Variants in ARHGEF17 observed in about 807,000 individuals in gnomAD.
ARHGEF17 encodes the protein Rho guanine nucleotide exchange factor 17.
ARHGEF17 carries 80 observed loss-of-function variants against 174.0 expected under a neutral mutation model. The observed-to-expected ratio is 0.46, with a 90% CI of 0.38 to 0.55. The LOEUF (loss-of-function observed/expected upper bound fraction) is 0.55. Ranked by LOEUF, ARHGEF17 falls within the 20% of genes least tolerant of loss-of-function variation. The pLI, the probability that ARHGEF17 is intolerant of heterozygous loss-of-function variation, is 0.00. For missense variants in ARHGEF17, 2,886 were observed against 2,839.7 expected, an observed-to-expected ratio of 1.02 and a Z score of -0.37; for synonymous variants, 1,311 against 1,189.1, an observed-to-expected ratio of 1.10 and a Z score of -2.11.
intron 7 of ARHGEF17, 78 bp downstream of exon 7, chr11:73,356,837 G>A: frequency 6.3e-7 from 1 of 1,596,086 alleles, no homozygotes. Flanking sequence ...CCCTCTACCT[G>A]CAGGTCTCCC....
chr11:73,360,233 G>T, intron 10 of ARHGEF17, 87 bp from the exon 11 acceptor site: 1 of 1,458,148 alleles, frequency 6.9e-7, no homozygotes, highest in Non-Finnish European at 9.5e-7. Flanking sequence ...TGCTGTCTAA[G>T]GAGAGAGGCA....
intron 1 of ARHGEF17, among the ~76,000 whole-genome samples, chr11:73,313,960 G>T (rs148086719): frequency 2.2e-4 from 34 of 152,342 alleles, no homozygotes; most frequent in Non-Finnish European, 4.4e-4. Context: ...ACCAGGCTTG[G>T]CTTGTGAACA....
chr11:73,308,877 C>T lies in ARHGEF17; in HGVS notation c.239C>T (p.Pro80Leu), dbSNP rs892596178. ...AQPRPLRSLS[P>L]SVRQLSRRFD... ...CCGCGCCCGCTCCGCAGCCTCTCGC[C>T]GTCGGTTCGCCAGCTCTCCCGGCGC... is the stretch of plus-strand genomic sequence containing the variant. Residue 80 changes from proline to leucine, a missense_variant, in exon 1 of 21, where the codon CCG becomes CTG. Physicochemically the swap from Pro to Leu is moderately conservative, Grantham distance 98 (BLOSUM62 -3). Coordinates refer to ENST00000263674, the MANE Select transcript of ARHGEF17 (RefSeq NM_014786.4). The T allele has an allele frequency of 1.8e-5, 24 of 1,358,788 alleles. No homozygotes were observed. In the Admixed American group the frequency reaches 3.4e-4, roughly 19 times the overall value. 84.2% of individuals were successfully genotyped at this position (1,358,788 alleles called of 1,614,324 possible).
At chr11:73,361,216 A>G (rs1865732723) in intron 12 of ARHGEF17, 55 bp downstream of exon 12, 8 of 1,557,392 alleles carry the variant, frequency 5.1e-6, no homozygotes, top group Non-Finnish European at 7.1e-6. Context: ...GCAGGTGTTC[A>G]TGAATTTTTG....
chr11:73,363,351 C>T lies in ARHGEF17; in HGVS notation c.5142C>T (p.Arg1714=). 6.2e-7 allele frequency: 1 copy of T among 1,612,864 alleles called. No homozygotes were observed. Among genetic ancestry groups the T allele is most frequent in the Non-Finnish European group, 8.5e-7 (1 of 1,179,850 alleles). Residue 1714 remains arginine (R), a synonymous_variant, in exon 15 of 21, where the codon CGC becomes CGT. Transcript: ENST00000263674. ...GCCCAATGGATGGGAGAGCCCTTCG[C>T]CGCTCCAGCCACGGCTCCTTCACCC... The part of the protein sequence containing the change: ...GTSPMDGRAL[R]RSSHGSFTRG...
Position 73,309,833 on chromosome 11 carries a change from C to G in ARHGEF17, c.1195C>G (p.Leu399Val), listed in dbSNP as rs780799504. The change falls in exon 1 of 21, where the codon CTC becomes GTC. Residue 399 changes from leucine (L) to valine (V), a missense_variant. Coordinates refer to ENST00000263674, the MANE Select transcript of ARHGEF17 (RefSeq NM_014786.4). ...GSSRYSSTET[L>V]KDDDLWSSRG... ...CAGCCGTTATTCCAGCACGGAGACC[C>G]TCAAGGACGACGACCTATGGTCTAG... The G allele has an allele frequency of 6.2e-7, 1 of 1,613,190 alleles. No individual in the cohort carries two copies. Among genetic ancestry groups the G allele is most frequent in the Non-Finnish European group, 8.5e-7 (1 of 1,180,022 alleles).
intron 1 of ARHGEF17, among the ~76,000 whole-genome samples, chr11:73,345,929 G>A (rs1057485753): frequency 1.4e-4 from 21 of 152,244 alleles, no homozygotes; most frequent in African/African-American, 5.1e-4. Flanking sequence ...TGTTGGGGCT[G>A]GTGCTATCTG....
At chr11:73,342,041 C>CAA (rs1865377961) in intron 1 of ARHGEF17, among the ~76,000 whole-genome samples, 1 of 152,138 alleles carries the variant, frequency 6.6e-6, no homozygotes, top group African/African-American at 2.4e-5. Context: ...TCTGGGCTTT[C>CAA]AAGCAGCACG....
intron 1 of ARHGEF17, among the ~76,000 whole-genome samples, chr11:73,312,629 A>C (rs1864857627): frequency 6.6e-6 from 1 of 151,944 alleles, no homozygotes; most frequent in African/African-American, 2.4e-5. Flanking sequence ...AGGGGAGGAT[A>C]GAGGCAGGGA....
At position 73,357,677 on chromosome 11, in the gene ARHGEF17, C is replaced by T. The variant is rs145026050; in HGVS notation, c.4087+350C>T. Among the ~76,000 whole-genome samples the T allele has an allele frequency of 1.6e-4, 24 of 152,356 alleles. No homozygotes were observed. The South Asian group carries it at 3.3e-3, about 21-fold the overall frequency. On this transcript the variant is annotated intron_variant, in intron 9 of 20. Transcript: ENST00000263674. ...GATGATGTTGCACTGTCTGGTTCAGCGGTTTCACACACAGGGAACAGACAC... is the reference window on the plus strand; with the variant it reads ...GATGATGTTGCACTGTCTGGTTCAGTGGTTTCACACACAGGGAACAGACAC...
chr11:73,362,456 G>C lies in ARHGEF17; in HGVS notation c.4718G>C (p.Ser1573Thr). ...AGGGAGCCTCCTCCGTCGCTGAGGAGTCCTCCAGAGACGGCACCGGAGCCC... is the reference window on the plus strand; with the variant it reads ...AGGGAGCCTCCTCCGTCGCTGAGGACTCCTCCAGAGACGGCACCGGAGCCC... ...CHREPPPSLRSPPETAPEPAG... is the reference protein window; with the variant it reads ...CHREPPPSLRTPPETAPEPAG... Residue 1573 changes from serine to threonine, a missense_variant, in exon 14 of 21, where the codon AGT becomes ACT. By Grantham distance (58) the Ser-to-Thr change is moderately conservative. Coordinates refer to ENST00000263674, the MANE Select transcript of ARHGEF17 (RefSeq NM_014786.4). 1.3e-6 allele frequency: 2 copies of C among 1,581,448 alleles called. No homozygotes were observed. The highest frequency in any genetic ancestry group is 2.2e-5 in the South Asian group (2 of 88,944).
chr11:73,343,693 C>T (rs2134409148), intron 1 of ARHGEF17, among the ~76,000 whole-genome samples: 1 of 152,160 alleles, frequency 6.6e-6, no homozygotes, highest in Admixed American at 6.5e-5. Context: ...TTGGAGGAGT[C>T]ATGCTGCGGT....
At chr11:73,357,553 C>T (rs571913282) in intron 9 of ARHGEF17, among the ~76,000 whole-genome samples, 2 of 152,350 alleles carry the variant, frequency 1.3e-5, no homozygotes, top group South Asian at 4.1e-4. Context: ...GGGACCTAGG[C>T]TGGCAGCGGG....
chr11:73,324,829 A>G (rs1419762383), intron 1 of ARHGEF17, among the ~76,000 whole-genome samples: 2 of 152,210 alleles, frequency 1.3e-5, no homozygotes, highest in Non-Finnish European at 2.9e-5. Context: ...AGCACATAGT[A>G]GTTGCTCAGT....
rs1334456735 is a variant in ARHGEF17 at position 73,310,528 on chromosome 11, G to A, written c.1890G>A (p.Gln630=). 2 of 1,613,904 alleles carry A rather than the reference G, an allele frequency of 1.2e-6. No individual in the cohort carries two copies. The highest frequency in any genetic ancestry group is 1.7e-5 in the Admixed American group (1 of 60,002). ...PDWAGDVTRG[Q]RSQEELSGPE... is the part of the protein sequence containing the mutation. ...GGGCAGGGGATGTGACCCGAGGGCAGCGGTCCCAGGAGGAGCTCTCAGGCC... is the reference window on the plus strand; with the variant it reads ...GGGCAGGGGATGTGACCCGAGGGCAACGGTCCCAGGAGGAGCTCTCAGGCC... The change falls in exon 1 of 21, where the codon CAG becomes CAA. Residue 630 remains glutamine, a synonymous_variant. Transcript: ENST00000263674.
rs764876469 is a variant in ARHGEF17 at position 73,357,301 on chromosome 11, C to T, written c.4061C>T (p.Pro1354Leu). The T allele has an allele frequency of 4.4e-5, 71 of 1,613,890 alleles. No homozygotes were observed. Among genetic ancestry groups the T allele is most frequent in the Non-Finnish European group, 5.7e-5 (67 of 1,179,968 alleles). Residue 1354 changes from proline (P) to leucine (L), a missense_variant, in exon 9 of 21, where the codon CCG becomes CTG. Around this residue, in one of 4 missense-constraint regions of ARHGEF17, gnomAD observed 353 missense variants for 470.3 expected, o/e 0.75. Coordinates refer to ENST00000263674, the MANE Select transcript of ARHGEF17 (RefSeq NM_014786.4). Reference sequence around the variant, plus strand: ...AAGTACAAGATGCTGTGGAAGCTGCCGCTGGAAGACGCAGACATCATCAAA... The same window carrying T: ...AAGTACAAGATGCTGTGGAAGCTGCTGCTGGAAGACGCAGACATCATCAAA... ...ASKYKMLWKL[P>L]LEDADIIKGA... is the part of the protein sequence containing the mutation.
rs749100386 is a variant in ARHGEF17, at chr11:73,310,620, G to A, written c.1982G>A (p.Gly661Asp). The A allele has an allele frequency of 1.2e-6, 2 of 1,614,150 alleles. No homozygotes were observed. Among genetic ancestry groups the A allele is most frequent in the Admixed American group, 1.7e-5 (1 of 60,032 alleles). ...DPEPPVAAFC[G>D]LGTTGMWRPL... ...GAGCCTCCTGTTGCAGCATTTTGCGGCCTGGGTACCACAGGGATGTGGCGA... is the reference window on the plus strand; with the variant it reads ...GAGCCTCCTGTTGCAGCATTTTGCGACCTGGGTACCACAGGGATGTGGCGA... The change falls in exon 1 of 21, where the codon GGC (glycine) becomes GAC (aspartate). Residue 661 changes from glycine to aspartate, a missense_variant. Around this residue, in one of 4 missense-constraint regions of ARHGEF17, gnomAD observed 1,728 missense variants for 1,461.2 expected, o/e 1.18. Transcript: ENST00000263674.
rs748441561 is a variant in ARHGEF17 at position 73,362,538 on chromosome 11, G to A, written c.4800G>A (p.Ala1600=). ...CAGACGAGGAAGCCGCGACGCTCGC[G>A]GAGCCGGGGCCGCAGCCCTGCCTTC... ...AAADEEAATL[A]EPGPQPCLHI... The change falls in exon 14 of 21, where the codon GCG becomes GCA. Residue 1600 remains alanine (A), a synonymous_variant. Transcript: ENST00000263674. The A allele has an allele frequency of 1.9e-6, 3 of 1,607,060 alleles. No homozygotes were observed. Among genetic ancestry groups the A allele is most frequent in the Middle Eastern group, 1.7e-4 (1 of 5,920 alleles).
intron 2 of ARHGEF17, among the ~76,000 whole-genome samples, chr11:73,351,824 T>C (rs761128656): frequency 1.1e-4 from 17 of 152,060 alleles, no homozygotes; most frequent in Middle Eastern, 3.2e-3. Context: ...TCAGGTGATC[T>C]GCCTGGCCTC....
Sources: allele counts gnomAD v4.1 joint callset (sites outside exome capture counted in the v4.1 genomes callset), GRCh38; gene constraint gnomAD v4.1.1; regional missense constraint gnomAD v4.1.1; transcripts MANE v1.5; gene names NCBI Gene and HGNC (gene_info 2026-07-23, HGNC 2026-07-21).